Variants in SARDH observed in about 807,000 individuals in gnomAD.
The protein encoded by SARDH is sarcosine dehydrogenase, mitochondrial.
Under a neutral mutation model 109.1 loss-of-function variants are expected in SARDH, and 95 were observed. The ratio of observed to expected loss-of-function variants is 0.87; its 90% CI spans 0.74 to 1.03. The LOEUF is 1.03. Ranked by LOEUF, SARDH falls within the 50% of genes least tolerant of loss-of-function variation. SARDH has a pLI of 0.00. For synonymous variants in SARDH, 572 were observed against 534.8 expected, an observed-to-expected ratio of 1.07 and a Z score of -0.96; for missense variants, 1,267 against 1,287.8, an observed-to-expected ratio of 0.98 and a Z score of 0.25.
At chr9:133,702,850 G>A (rs1341676483) in intron 13 of SARDH, 66 bp downstream of exon 13, 23 of 1,471,698 alleles carry the variant, frequency 1.6e-5, no homozygotes, top group Non-Finnish European at 1.8e-5. Flanking sequence ...GCCGAGGGCC[G>A]GCGCAATGGC....
intron 17 of SARDH, among the ~76,000 whole-genome samples, chr9:133,682,283 T>G (rs1830724747): frequency 6.6e-6 from 1 of 152,104 alleles, no homozygotes; most frequent in African/African-American, 2.4e-5. Flanking sequence ...AGGGGAACAG[T>G]CACGACATTC....
intron 8 of SARDH, among the ~76,000 whole-genome samples, chr9:133,713,657 A>G (rs1485064775): frequency 6.6e-6 from 1 of 152,076 alleles, no homozygotes; most frequent in Non-Finnish European, 1.5e-5. Context: ...CCAATGTCCC[A>G]CTCCGGCGGC....
intron 17 of SARDH, among the ~76,000 whole-genome samples, chr9:133,676,014 A>G (rs1242649209): frequency 6.6e-6 from 1 of 152,062 alleles, no homozygotes; most frequent in African/African-American, 2.4e-5. Flanking sequence ...GGATCACTTG[A>G]GACCAGGAGG....
At chr9:133,689,858 C>T (rs935409804) in intron 16 of SARDH, among the ~76,000 whole-genome samples, 2 of 152,138 alleles carry the variant, frequency 1.3e-5, no homozygotes, top group East Asian at 1.9e-4. Flanking sequence ...AGCCAGCAGC[C>T]GAGGGTCTTC....
rs1041736340 is a variant in SARDH at position 133,666,609 on chromosome 9, C to G, written c.2631+126G>C. ...TCCTCCCTCCTTTCTCTTCCCTCCT[C>G]CTCTTCTGGACCACACCCGTGCCTC... On this transcript the variant is annotated intron_variant, in intron 20 of 20. Coordinates refer to ENST00000439388, the MANE Select transcript of SARDH (RefSeq NM_001134707.2). The surrounding 1 kb of genome is among the most constrained non-coding windows in gnomAD (Gnocchi z 5.2). The G allele has an allele frequency of 1.6e-6, 2 of 1,276,548 alleles. No individual in the cohort carries two copies. The highest frequency in any genetic ancestry group is 2.1e-6 in the Non-Finnish European group (2 of 933,230). 79.1% of individuals were successfully genotyped at this position (1,276,548 alleles called of 1,614,324 possible). A position where few individuals can be genotyped will look rare whatever the true frequency, so the allele number is the denominator to read the frequency against.
chr9:133,736,863 T>C (rs1279199013), intron 1 of SARDH, among the ~76,000 whole-genome samples: 2 of 152,242 alleles, frequency 1.3e-5, no homozygotes, highest in African/African-American at 4.8e-5. Flanking sequence ...CTGTGCCACC[T>C]ACGTCAGTAT....
At chr9:133,677,118 A>ACCATCGCAAAT (rs1290095542) in intron 17 of SARDH, among the ~76,000 whole-genome samples, 1 of 152,126 alleles carries the variant, frequency 6.6e-6, no homozygotes, top group Non-Finnish European at 1.5e-5. Flanking sequence ...CAGCCTGGGC[A>ACCATCGCAAAT]ACAGAGTGAG....
At chr9:133,715,003 C>T (rs1295887508) in intron 8 of SARDH, among the ~76,000 whole-genome samples, 1 of 152,194 alleles carries the variant, frequency 6.6e-6, no homozygotes, top group Non-Finnish European at 1.5e-5. Context: ...TTGAGTAACC[C>T]GAGGACACAT....
chr9:133,690,354 G>A (rs1564255123), intron 16 of SARDH, 26 bp downstream of exon 16: 5 of 1,596,424 alleles, frequency 3.1e-6, no homozygotes, highest in Non-Finnish European at 4.3e-6. Flanking sequence ...GGTGCACCCA[G>A]GGGCGGGCTC....
In SARDH at chr9:133,694,342, G is replaced by A; in HGVS notation, c.1837C>T (p.His613Tyr). Residue 613 changes from histidine (H) to tyrosine (Y), a missense_variant, in exon 15 of 21, where the codon CAC (histidine) becomes TAC (tyrosine). Transcript: ENST00000439388. ...AGGTCACTCTCGGTGCCCCCACGGT[G>A]GTTGAGCATGCACGTGTACACGGTG... ...GSTVYTCMLN[H>Y]RGGTESDLTV... 1 of 1,550,738 alleles carries A rather than the reference G, an allele frequency of 6.4e-7. No individual in the cohort carries two copies.
chr9:133,707,965 C>T lies in SARDH; in HGVS notation c.1470+322G>A, dbSNP rs920011005. On this transcript the variant is annotated intron_variant, in intron 11 of 20. Coordinates refer to ENST00000439388, the MANE Select transcript of SARDH (RefSeq NM_001134707.2). ...TGGCTGCATACACCCACCAAGACCCCGCCCCCAGGACCCCTGCCCTGTTGG... is the reference window on the plus strand; with the variant it reads ...TGGCTGCATACACCCACCAAGACCCTGCCCCCAGGACCCCTGCCCTGTTGG... 5.3e-5 allele frequency among the ~76,000 whole-genome samples: 8 copies of T among 152,310 alleles called. No homozygotes were observed. The East Asian group carries it at 1.4e-3, about 26-fold the overall frequency.
At chr9:133,681,038 G>A (rs545456433) in intron 17 of SARDH, among the ~76,000 whole-genome samples, 42 of 152,354 alleles carry the variant, frequency 2.8e-4, no homozygotes, top group Non-Finnish European at 5.6e-4. Context: ...CGCTAAGGTC[G>A]TCTGTCTTCC....
chr9:133,698,024 A>AAAG (rs1554752506), intron 13 of SARDH, among the ~76,000 whole-genome samples: 1 of 151,110 alleles, frequency 6.6e-6, no homozygotes, highest in Non-Finnish European at 1.5e-5. Context: ...AAAAAAAAGA[A>AAAG]AAAAAAGAAA....
intron 13 of SARDH, among the ~76,000 whole-genome samples, chr9:133,700,303 G>T (rs924873127): frequency 6.6e-6 from 1 of 151,734 alleles, no homozygotes; most frequent in East Asian, 1.9e-4. Flanking sequence ...TCCAGCCTGG[G>T]GCAACAGAGC....
At chr9:133,662,294 T>G (rs1829910998), downstream of SARDH, among the ~76,000 whole-genome samples, 1 of 152,020 alleles carries the variant, frequency 6.6e-6, no homozygotes, top group Non-Finnish European at 1.5e-5. The surrounding 1 kb of genome is among the most constrained non-coding windows in gnomAD (Gnocchi z 5.1). Context: ...CCTCCCCTCA[T>G]CCTCAGCCTT....
chr9:133,726,283 G>C (rs915720503), intron 6 of SARDH, among the ~76,000 whole-genome samples: 15 of 151,220 alleles, frequency 9.9e-5, no homozygotes, highest in African/African-American at 3.4e-4. Flanking sequence ...TGGGAGGATC[G>C]CTTGAGCCCA....
At chr9:133,719,212 G>A (rs1832236240) in intron 6 of SARDH, among the ~76,000 whole-genome samples, 170 bp from the exon 7 acceptor site, 1 of 152,138 alleles carries the variant, frequency 6.6e-6, no homozygotes. Context: ...GTTACACACA[G>A]TGAATGGGTC....
At chr9:133,739,549 G>A (rs1184905292), upstream of SARDH, 4 of 152,314 alleles carry the variant, frequency 2.6e-5, no homozygotes, top group Admixed American at 6.5e-5. Context: ...GAATCCAGGA[G>A]GACCTCTTAG....
rs1252127301 is a variant in SARDH, at chr9:133,693,509, G to A, written c.1921+749C>T. Among the ~76,000 whole-genome samples the A allele has an allele frequency of 1.3e-5, 2 of 152,230 alleles. No individual in the cohort carries two copies. Among genetic ancestry groups the A allele is most frequent in the African/African-American group, 4.8e-5 (2 of 41,456 alleles). ...CCGGGGACAGCACAGAGAGCTGCACGGTCAGCACCTTCCCCTGTGCAGGTC... is the reference window on the plus strand; with the variant it reads ...CCGGGGACAGCACAGAGAGCTGCACAGTCAGCACCTTCCCCTGTGCAGGTC... On this transcript the variant is annotated intron_variant, in intron 15 of 20. Coordinates refer to ENST00000439388, the MANE Select transcript of SARDH (RefSeq NM_001134707.2). The surrounding 1 kb of genome is among the most constrained non-coding windows in gnomAD (Gnocchi z 5.6).
Sources: gnomAD v4.1 joint callset for allele counts (sites outside exome capture counted in the v4.1 genomes callset) on GRCh38, gnomAD v4.1.1 for gene constraint, Gnocchi (gnomAD v3.1) non-coding constraint, MANE v1.5 for transcripts, NCBI Gene and HGNC (gene_info 2026-07-23, HGNC 2026-07-21) for gene names.